The following ZNF385D variants were observed in gnomAD, a reference collection of about 807,000 sequenced individuals.
ZNF385D encodes the protein zinc finger protein 659.
In ZNF385D, 15 loss-of-function variants were observed where a neutral mutation model predicts 35.8. The ratio of observed to expected loss-of-function variants is 0.42; its 90% CI spans 0.28 to 0.64. The LOEUF is 0.64. Ranked by LOEUF, ZNF385D falls within the 30% of genes least tolerant of loss-of-function variation. The pLI is 0.23. For missense variants in ZNF385D, 474 were observed against 494.6 expected, an observed-to-expected ratio of 0.96 and a Z score of 0.39; for synonymous variants, 212 against 186.8, an observed-to-expected ratio of 1.13 and a Z score of -1.10.
At chr3:21,452,171 A>C (rs996153132) in intron 4 of ZNF385D, among the ~76,000 whole-genome samples, 1 of 152,118 alleles carries the variant, frequency 6.6e-6, no homozygotes, top group African/African-American at 2.4e-5. Flanking sequence ...ATACCTACTT[A>C]TTAAATTTAC....
chr3:22,362,276 C>A (rs890807916), intron 2 of ZNF385D, among the ~76,000 whole-genome samples: 6 of 151,132 alleles, frequency 4.0e-5, no homozygotes, highest in African/African-American at 1.5e-4. Context: ...TTCAGATTAA[C>A]TTGCATTGAT....
intron 3 of ZNF385D, among the ~76,000 whole-genome samples, chr3:22,109,839 G>T (rs1170922492): frequency 6.6e-6 from 1 of 152,124 alleles, no homozygotes; most frequent in Non-Finnish European, 1.5e-5. Context: ...GAGTGAACAG[G>T]CAGCGTACAG....
rs991876280 is a variant in ZNF385D at position 22,136,013 on chromosome 3, T to G, written c.325+32804A>C. Among the ~76,000 whole-genome samples the G allele has an allele frequency of 5.5e-4, 84 of 152,198 alleles. 1 individual carries two copies. The highest frequency in any genetic ancestry group is 1.9e-3 in the African/African-American group (80 of 41,534). On this transcript the variant is annotated intron_variant, in intron 3 of 5. Transcript: ENST00000494108. ...CCTTGACATAAATATGCTACAAAAT[T>G]AGTAAGAGAAAAAAGAAGAGAAAGT...
intron 3 of ZNF385D, among the ~76,000 whole-genome samples, chr3:21,911,301 A>G (rs1699949254): frequency 6.6e-6 from 1 of 151,996 alleles, no homozygotes; most frequent in African/African-American, 2.4e-5. Context: ...AAGAAACATT[A>G]GTAAAGTTTA....
At chr3:22,041,814 G>C (rs944548876) in intron 3 of ZNF385D, among the ~76,000 whole-genome samples, 8 of 151,964 alleles carry the variant, frequency 5.3e-5, no homozygotes, top group African/African-American at 1.7e-4. Flanking sequence ...AAAACTTAAG[G>C]AATGGTTGAA....
chr3:21,937,259 C>G (rs1002205501), intron 3 of ZNF385D, among the ~76,000 whole-genome samples: 1 of 152,000 alleles, frequency 6.6e-6, no homozygotes, highest in African/African-American at 2.4e-5. Flanking sequence ...CAATAAAGGT[C>G]TGTGATCCAG....
chr3:22,224,968 T>G (rs924668593), intron 2 of ZNF385D, among the ~76,000 whole-genome samples: 3 of 152,170 alleles, frequency 2.0e-5, no homozygotes, highest in Non-Finnish European at 4.4e-5. Context: ...TCAGAACATC[T>G]GATTTCTGAA....
At chr3:22,193,477 C>T (rs1032975609) in intron 2 of ZNF385D, among the ~76,000 whole-genome samples, 3 of 151,984 alleles carry the variant, frequency 2.0e-5, no homozygotes, top group African/African-American at 7.2e-5. Flanking sequence ...TGCATGAGAT[C>T]TAAGTACAAA....
chr3:21,706,718 T>G (rs1019303237), intron 1 of ZNF385D, among the ~76,000 whole-genome samples: 2 of 152,232 alleles, frequency 1.3e-5, no homozygotes, highest in Admixed American at 1.3e-4. Context: ...GCATGCACCA[T>G]GTACATGAAG....
intron 3 of ZNF385D, among the ~76,000 whole-genome samples, chr3:22,002,277 A>T (rs952522551): frequency 4.6e-5 from 7 of 152,136 alleles, no homozygotes; most frequent in African/African-American, 1.4e-4. Context: ...CTGATATCAC[A>T]GAAATACGAA....
At chr3:22,180,492 T>C (rs995297136) in intron 2 of ZNF385D, among the ~76,000 whole-genome samples, 23 of 152,264 alleles carry the variant, frequency 1.5e-4, no homozygotes, top group Admixed American at 1.4e-3. Flanking sequence ...AAAAAGGGAA[T>C]TTTAGACCAA....
At chr3:22,091,210 C>G (rs920373058) in intron 3 of ZNF385D, among the ~76,000 whole-genome samples, 3 of 152,012 alleles carry the variant, frequency 2.0e-5, no homozygotes, top group African/African-American at 7.2e-5. Context: ...ACTTGGACAC[C>G]AAGATTCCAG....
intron 3 of ZNF385D, among the ~76,000 whole-genome samples, chr3:21,806,259 T>C (rs2072641752): frequency 1.3e-5 from 2 of 151,834 alleles, no homozygotes; most frequent in Non-Finnish European, 2.9e-5. Context: ...ATCTAAACTC[T>C]TTTTGTATTT....
At chr3:22,058,651 G>GA (rs1401885629) in intron 3 of ZNF385D, among the ~76,000 whole-genome samples, 4 of 151,978 alleles carry the variant, frequency 2.6e-5, no homozygotes, top group Admixed American at 1.3e-4. Context: ...ATGCCTAAAT[G>GA]AAAAAATGGG....
intron 3 of ZNF385D, among the ~76,000 whole-genome samples, chr3:22,023,116 G>A (rs908838120): frequency 1.3e-5 from 2 of 152,126 alleles, no homozygotes; most frequent in African/African-American, 4.8e-5. Context: ...CCTTACCCAT[G>A]TCTTATGGAG....
At chr3:21,454,636 C>T (rs1255265894) in intron 4 of ZNF385D, among the ~76,000 whole-genome samples, 1 of 152,140 alleles carries the variant, frequency 6.6e-6, no homozygotes, top group Non-Finnish European at 1.5e-5. Context: ...CAATATCATA[C>T]TGAATGGGCA....
intron 2 of ZNF385D, among the ~76,000 whole-genome samples, chr3:22,334,661 A>C (rs1559526348): frequency 6.6e-6 from 1 of 152,184 alleles, no homozygotes; most frequent in Non-Finnish European, 1.5e-5. Context: ...TTTTGAAGAC[A>C]TCAGTCCATT....
At chr3:21,722,532 T>A (rs1451072636) in intron 1 of ZNF385D, among the ~76,000 whole-genome samples, 1 of 152,182 alleles carries the variant, frequency 6.6e-6, no homozygotes, top group Admixed American at 6.5e-5. Context: ...AGTTGCAAGT[T>A]GGTTGTGCTC....
chr3:21,752,679 T>A (rs565366700), upstream of ZNF385D, among the ~76,000 whole-genome samples: 33 of 152,278 alleles, frequency 2.2e-4, no homozygotes, highest in Admixed American at 1.5e-3. Flanking sequence ...TTAAGATAAA[T>A]CTAGGGCTGT....
Sources: allele counts gnomAD v4.1 joint callset (sites outside exome capture counted in the v4.1 genomes callset), GRCh38; gene constraint gnomAD v4.1.1; transcripts MANE v1.5; gene names NCBI Gene and HGNC (gene_info 2026-07-23, HGNC 2026-07-21).